Variants in NEMF observed in about 807,000 individuals in gnomAD.
NEMF encodes the protein ribosome quality control complex subunit NEMF.
A neutral mutation model predicts 162.2 loss-of-function variants in NEMF; 89 were observed. The observed-to-expected ratio is 0.55, with a 90% CI of 0.46 to 0.65. NEMF has a LOEUF of 0.65. NEMF is among the 30% of genes least tolerant of loss of function. NEMF has a pLI of 0.00. For missense variants in NEMF, 1,133 were observed against 1,261.9 expected (o/e 0.90, Z 1.55); for synonymous variants, 421 against 404.5 (o/e 1.04, Z -0.49).
chr14:49,834,724 C>T (rs1037852857), intron 6 of NEMF, among the ~76,000 whole-genome samples: 3 of 152,128 alleles, frequency 2.0e-5, no homozygotes, highest in Admixed American at 2.0e-4. Flanking sequence ...CTCAGGTGAT[C>T]CACTCACCTC....
chr14:49,812,078 T>A (rs747074366), intron 18 of NEMF, among the ~76,000 whole-genome samples: 1 of 152,208 alleles, frequency 6.6e-6, no homozygotes, highest in Non-Finnish European at 1.5e-5. Flanking sequence ...TTTTTCTTTA[T>A]TATTAATCCA....
chr14:49,834,815 T>G (rs1892816854), intron 6 of NEMF, among the ~76,000 whole-genome samples: 1 of 152,204 alleles, frequency 6.6e-6, no homozygotes, highest in African/African-American at 2.4e-5. Context: ...TAGCACAAAT[T>G]TATTTCCCAA....
At chr14:49,841,694 C>A (rs184551891) in intron 4 of NEMF, among the ~76,000 whole-genome samples, 197 of 151,756 alleles carry the variant, frequency 1.3e-3, no homozygotes, top group Middle Eastern at 3.4e-3. Context: ...TTAATAGTTA[C>A]ATGGCAAGAG....
Position 49,825,935 on chromosome 14 carries a change from C to G in NEMF, c.1509G>C (p.Lys503Asn). The G allele has an allele frequency of 6.2e-7, 1 of 1,610,786 alleles. No homozygotes were observed. Among genetic ancestry groups the G allele is most frequent in the Non-Finnish European group, 8.5e-7 (1 of 1,177,768 alleles). The change falls in exon 16 of 33, where the codon AAG becomes AAC. Residue 503 changes from lysine to asparagine, a missense_variant. Physicochemically the swap from Lys to Asn is moderately conservative, Grantham distance 94 (BLOSUM62 0). Around this residue, in one of 3 missense-constraint regions of NEMF, gnomAD observed 582 missense variants for 631.5 expected, o/e 0.92. Coordinates refer to ENST00000298310, the MANE Select transcript of NEMF (RefSeq NM_004713.6). ...CTTCTTTTAATGTTTGCTTTGTTTT[C>G]TTTTCTGCTGACTTGAATGCCTATT... ...AAEKAFKSAE[K>N]KTKQTLKEVQ...
Position 49,796,226 on chromosome 14 carries a change from T to A in NEMF, c.2466-282A>T, listed in dbSNP as rs1285539946. The A allele has an allele frequency of 7.9e-6, 4 of 508,432 alleles. No individual in the cohort carries two copies. The East Asian group carries it at 2.2e-4, about 27-fold the overall frequency. The allele number at this position is 508,432 out of a possible 1,614,324, so 31.5% of individuals were successfully genotyped here. ...TTACTCACTAGGCACATTTTGCCCC[T>A]GATCACCTTGATGGCCAGGCACTGG... On this transcript the variant is annotated intron_variant, in intron 25 of 32. Transcript: ENST00000298310.
intron 8 of NEMF, among the ~76,000 whole-genome samples, chr14:49,832,493 G>T (rs907148773): frequency 6.6e-6 from 1 of 151,876 alleles, no homozygotes; most frequent in South Asian, 2.1e-4. Flanking sequence ...CACCATACCT[G>T]GCTAATTTTT....
intron 22 of NEMF, chr14:49,801,055 C>T (rs187822019): frequency 2.1e-4 from 46 of 219,772 alleles, no homozygotes; most frequent in Middle Eastern, 3.5e-3. Context: ...AACTTAAATA[C>T]GTATTATATA....
At position 49,828,321 on chromosome 14, in the gene NEMF, T is replaced by C. The variant is rs576361572; in HGVS notation, c.1458A>G (p.Lys486=). 5 of 1,604,582 alleles carry C rather than the reference T, an allele frequency of 3.1e-6. No homozygotes were observed. The South Asian group carries it at 5.6e-5, about 18-fold the overall frequency. The change falls in exon 15 of 33, where the codon AAA becomes AAG. Residue 486 remains lysine (K), a synonymous_variant. Transcript: ENST00000298310. ...YYDHKRYAAK[K]TQKTVEAAEK... is the part of the protein sequence containing the mutation. ...CAGCAGCTTCAACAGTCTTTTGTGT[T>C]TTCTTAGCAGCATATCTCTTGTGAT... is the stretch of plus-strand genomic sequence containing the variant.
chr14:49,829,640 T>C (rs1378196176), intron 11 of NEMF, among the ~76,000 whole-genome samples: 1 of 152,170 alleles, frequency 6.6e-6, no homozygotes, highest in Non-Finnish European at 1.5e-5. Flanking sequence ...ACTCCTTATA[T>C]AGAAAGGTAT....
chr14:49,816,472 A>ACCTC (rs1474506958), intron 16 of NEMF, among the ~76,000 whole-genome samples: 1 of 151,430 alleles, frequency 6.6e-6, no homozygotes, highest in African/African-American at 2.4e-5. Flanking sequence ...CTGTTCTTGC[A>ACCTC]CCTCCCTCCC....
chr14:49,820,473 A>G lies in NEMF; in HGVS notation c.1577+5394T>C, dbSNP rs867471926. ...TTTCAGATTCTGAAAGTATTGTATC[A>G]AGAGCTAATAATCGGCTGGGCGCGG... On this transcript the variant is annotated intron_variant, in intron 16 of 32. Coordinates refer to ENST00000298310, the MANE Select transcript of NEMF (RefSeq NM_004713.6). 9.0e-5 allele frequency: 41 copies of G among 456,644 alleles called. 1 individual carries two copies. In the Middle Eastern group the frequency reaches 2.3e-3, roughly 25 times the overall value. 28.3% of individuals were successfully genotyped at this position (456,644 alleles called of 1,614,324 possible).
intron 3 of NEMF, among the ~76,000 whole-genome samples, chr14:49,850,223 C>T (rs1316812898): frequency 6.6e-6 from 1 of 152,102 alleles, no homozygotes; most frequent in Non-Finnish European, 1.5e-5. Context: ...CTGCCCCATC[C>T]TCCCAAGTAG....
chr14:49,837,099 C>A (rs1028145422), intron 6 of NEMF, among the ~76,000 whole-genome samples: 1 of 151,976 alleles, frequency 6.6e-6, no homozygotes, highest in Admixed American at 6.6e-5. Flanking sequence ...ATGGTGAAAC[C>A]CCATCTCTAC....
In NEMF at chr14:49,829,509, T is replaced by C. The variant is rs1018371808; in HGVS notation, c.946-83A>G. On this transcript the variant is annotated intron_variant, in intron 11 of 32. Transcript: ENST00000298310. ...CTCTCTTACTTCCCAACACTCACTA[T>C]CCTGACCCCATCTATGCTGTTATCT... The C allele has an allele frequency of 2.7e-6, 3 of 1,101,710 alleles. No individual in the cohort carries two copies. The African/African-American group carries it at 4.7e-5, about 17-fold the overall frequency. The allele number at this position is 1,101,710 out of a possible 1,614,324, so 68.2% of individuals were successfully genotyped here.
intron 22 of NEMF, chr14:49,801,243 A>C (rs961568437): frequency 1.3e-5 from 2 of 153,024 alleles, no homozygotes; most frequent in Non-Finnish European, 2.9e-5. Flanking sequence ...TAATCCTAGC[A>C]CTCTGGGAGG....
At chr14:49,801,840 GCA>G (rs1653828873) in intron 22 of NEMF, among the ~76,000 whole-genome samples, 3 of 151,968 alleles carry the variant, frequency 2.0e-5, no homozygotes, top group African/African-American at 7.3e-5. Flanking sequence ...AAATGCTAAT[GCA>G]CATTTACCCG....
intron 11 of NEMF, among the ~76,000 whole-genome samples, chr14:49,830,181 C>T (rs2139970562): frequency 6.6e-6 from 1 of 152,174 alleles, no homozygotes; most frequent in South Asian, 2.1e-4. Flanking sequence ...AGAATGATGA[C>T]TATTAAAACC....
At chr14:49,826,075 C>A in intron 15 of NEMF, 120 bp from the exon 16 acceptor site, 1 of 595,056 alleles carries the variant, frequency 1.7e-6, no homozygotes, top group Non-Finnish European at 3.0e-6. Flanking sequence ...TACACACACA[C>A]ACACAAACAC....
At chr14:49,799,761 C>T in intron 23 of NEMF, 83 bp from the exon 24 acceptor site, 1 of 1,126,158 alleles carries the variant, frequency 8.9e-7, no homozygotes, top group Admixed American at 2.4e-5. Flanking sequence ...CCATATCATA[C>T]TCTTAAGTAC....
Sources: allele counts gnomAD v4.1 joint callset (sites outside exome capture counted in the v4.1 genomes callset), GRCh38; gene constraint gnomAD v4.1.1; regional missense constraint gnomAD v4.1.1; transcripts MANE v1.5; gene names NCBI Gene and HGNC (gene_info 2026-07-23, HGNC 2026-07-21).